The following TNIK variants were observed in gnomAD, a reference collection of about 807,000 sequenced individuals.
The protein encoded by TNIK is TRAF2 and NCK-interacting protein kinase.
Under a neutral mutation model 191.3 loss-of-function variants are expected in TNIK, and 49 were observed. The ratio of observed to expected loss-of-function variants is 0.26; its 90% CI spans 0.20 to 0.32. TNIK has a LOEUF of 0.32. Ranked by LOEUF, TNIK falls within the 10% of genes least tolerant of loss-of-function variation. TNIK has a pLI of 1.00. For synonymous variants in TNIK, 594 were observed against 600.9 expected, an observed-to-expected ratio of 0.99 and a Z score of 0.17; for missense variants, 1,155 against 1,702.3, an observed-to-expected ratio of 0.68 and a Z score of 5.66.
At chr3:171,102,564 G>A (rs1356947463) in intron 21 of TNIK, among the ~76,000 whole-genome samples, 2 of 152,150 alleles carry the variant, frequency 1.3e-5, no homozygotes, top group Non-Finnish European at 1.5e-5. Flanking sequence ...AATTTGCATG[G>A]GTTAAACTGC....
At chr3:171,283,292 C>T (rs556795218) in intron 2 of TNIK, among the ~76,000 whole-genome samples, 28 of 152,074 alleles carry the variant, frequency 1.8e-4, no homozygotes, top group African/African-American at 6.7e-4. Context: ...CCTCTTTTTC[C>T]ACAAAAATAG....
chr3:171,131,209 G>A (rs1212886653), intron 15 of TNIK, among the ~76,000 whole-genome samples: 1 of 150,918 alleles, frequency 6.6e-6, no homozygotes, highest in East Asian at 2.0e-4. Context: ...GTGGTAGCGG[G>A]CGCCGGTAGT....
At chr3:171,212,389 C>A (rs1740944429) in intron 3 of TNIK, among the ~76,000 whole-genome samples, 1 of 151,728 alleles carries the variant, frequency 6.6e-6, no homozygotes, top group Admixed American at 6.6e-5. Context: ...CTGGTCATAG[C>A]CCCTACACTC....
At chr3:171,379,285 A>G (rs148182360) in intron 1 of TNIK, among the ~76,000 whole-genome samples, 2 of 152,352 alleles carry the variant, frequency 1.3e-5, no homozygotes, top group Admixed American at 6.5e-5. Flanking sequence ...TAAATTGATT[A>G]TTGTCTACTA....
At chr3:171,234,372 A>G (rs1189126845) in intron 2 of TNIK, among the ~76,000 whole-genome samples, 1 of 152,162 alleles carries the variant, frequency 6.6e-6, no homozygotes, top group Non-Finnish European at 1.5e-5. Context: ...CCTGCTCTCC[A>G]TATGTGCAGA....
chr3:171,198,225 T>C (rs1577095460), intron 4 of TNIK, among the ~76,000 whole-genome samples: 1 of 150,590 alleles, frequency 6.6e-6, no homozygotes, highest in Middle Eastern at 3.4e-3. Context: ...ATTGCACCAC[T>C]GTGCTCCAGC....
intron 2 of TNIK, among the ~76,000 whole-genome samples, chr3:171,300,540 GA>G (rs368275165): frequency 7.3e-5 from 11 of 150,950 alleles, no homozygotes; most frequent in East Asian, 1.9e-4. Flanking sequence ...AATTGTGAGT[GA>G]AAAAAAAATC....
intron 2 of TNIK, among the ~76,000 whole-genome samples, chr3:171,306,496 C>T (rs1325953576): frequency 6.6e-6 from 1 of 152,110 alleles, no homozygotes; most frequent in South Asian, 2.1e-4. Context: ...AGTAGGAAGG[C>T]AGGTTATAGA....
At position 171,169,574 on chromosome 3, in the gene TNIK, C is replaced by CT. The variant is rs537624571; in HGVS notation, c.774-2305dup. ...TGGGCCACCGCACCTGCCAGAAGTGCTTTTTTTTATAAAGTACTCAACCAA... is the reference window on the plus strand; with the variant it reads ...TGGGCCACCGCACCTGCCAGAAGTGCTTTTTTTTTATAAAGTACTCAACCAA... On this transcript the variant is annotated intron_variant, in intron 9 of 32. Coordinates refer to ENST00000436636, the MANE Select transcript of TNIK (RefSeq NM_015028.4). Among the ~76,000 whole-genome samples, 519 of 152,040 alleles carry CT rather than the reference C, an allele frequency of 3.4e-3. 1 individual carries two copies. The highest frequency in any genetic ancestry group is 4.6e-3 in the Non-Finnish European group (312 of 67,964).
rs1272052403 is a variant in TNIK at position 171,218,919 on chromosome 3, AT to A, written c.181-7679del. 1.3e-4 allele frequency among the ~76,000 whole-genome samples: 18 copies of A among 134,196 alleles called. No individual in the cohort carries two copies. In the East Asian group the frequency reaches 2.2e-3, roughly 16 times the overall value. The allele number at this position is 134,196 out of a possible 152,430, so 88.0% of individuals were successfully genotyped here. A position where few individuals can be genotyped will look rare whatever the true frequency, so the allele number is the denominator to read the frequency against. ...ATTTACATATTTATATTAAATATAT[AT>A]TTTTATATGTTTTATATATATTTAA... On this transcript the variant is annotated intron_variant, in intron 3 of 32. Coordinates refer to ENST00000436636, the MANE Select transcript of TNIK (RefSeq NM_015028.4).
chr3:171,300,294 C>T (rs796253386), intron 2 of TNIK, among the ~76,000 whole-genome samples: 28 of 152,292 alleles, frequency 1.8e-4, no homozygotes, highest in African/African-American at 6.5e-4. Context: ...TCACACAGCA[C>T]GGTCATGCCC....
At chr3:171,277,358 A>C (rs1455704114) in intron 2 of TNIK, among the ~76,000 whole-genome samples, 1 of 152,198 alleles carries the variant, frequency 6.6e-6, no homozygotes, top group African/African-American at 2.4e-5. Flanking sequence ...AAGAAACAAC[A>C]ATAAAAGCCT....
chr3:171,139,353 A>G, intron 14 of TNIK, 117 bp downstream of exon 14: 1 of 892,492 alleles, frequency 1.1e-6, no homozygotes, highest in Non-Finnish European at 1.8e-6. Flanking sequence ...CTGGACTGGT[A>G]TGTTAGAAGG....
intron 28 of TNIK, among the ~76,000 whole-genome samples, chr3:171,074,936 T>G (rs1480071096): frequency 6.6e-6 from 1 of 152,190 alleles, no homozygotes; most frequent in African/African-American, 2.4e-5. Context: ...AAATTTTACT[T>G]TAGATGTGTG....
chr3:171,146,535 C>A (rs1475740969), intron 12 of TNIK, among the ~76,000 whole-genome samples: 9 of 152,098 alleles, frequency 5.9e-5, no homozygotes, highest in Admixed American at 5.9e-4. Flanking sequence ...GGTTTGGAAA[C>A]AGACTAGATT....
At chr3:171,128,569 G>A in intron 16 of TNIK, 145 bp downstream of exon 16, 1 of 1,024,718 alleles carries the variant, frequency 9.8e-7, no homozygotes, top group Non-Finnish European at 1.3e-6. Context: ...AAATCAGTGG[G>A]GCCACCTATT....
At chr3:171,290,482 C>T (rs1401824710) in intron 2 of TNIK, among the ~76,000 whole-genome samples, 1 of 152,120 alleles carries the variant, frequency 6.6e-6, no homozygotes, top group East Asian at 1.9e-4. Context: ...AGTAGAGTGC[C>T]TGGCACACAA....
chr3:171,214,897 T>C (rs996619682), intron 3 of TNIK, among the ~76,000 whole-genome samples: 2 of 152,182 alleles, frequency 1.3e-5, no homozygotes, highest in Non-Finnish European at 2.9e-5. Flanking sequence ...ATAAAGAAGA[T>C]AATATTATTT....
intron 29 of TNIK, among the ~76,000 whole-genome samples, chr3:171,069,748 C>T (rs1303592082): frequency 6.6e-6 from 1 of 152,210 alleles, no homozygotes; most frequent in Non-Finnish European, 1.5e-5. Flanking sequence ...TTTAACCACG[C>T]TCTACCTTTG....
Sources: allele counts gnomAD v4.1 joint callset (sites outside exome capture counted in the v4.1 genomes callset), GRCh38; gene constraint gnomAD v4.1.1; transcripts MANE v1.5; gene names NCBI Gene and HGNC (gene_info 2026-07-23, HGNC 2026-07-21).